The following STXBP6 variants were observed in gnomAD, a reference collection of about 807,000 sequenced individuals.
The protein encoded by STXBP6 is syntaxin-binding protein 6.
In STXBP6, 21 loss-of-function variants were observed where a neutral mutation model predicts 26.9. That is an observed-to-expected ratio of 0.78 (90% confidence interval 0.55 to 1.12). STXBP6 has a LOEUF of 1.12. Ranked by LOEUF, STXBP6 falls within the 50% of genes most tolerant of loss-of-function variation. STXBP6 has a pLI of 0.00. For synonymous variants in STXBP6, 97 were observed against 92.6 expected (o/e 1.05, Z -0.27); for missense variants, 232 against 257.9 (o/e 0.90, Z 0.69).
At chr14:25,047,183 A>G (rs1430700446) in intron 1 of STXBP6, among the ~76,000 whole-genome samples, 1 of 152,200 alleles carries the variant, frequency 6.6e-6, no homozygotes, top group Non-Finnish European at 1.5e-5. Flanking sequence ...AAAAAAGGAA[A>G]TGGGGTAGTT....
At chr14:24,922,482 C>G (rs1367576185) in intron 2 of STXBP6, among the ~76,000 whole-genome samples, 1 of 152,114 alleles carries the variant, frequency 6.6e-6, no homozygotes, top group East Asian at 1.9e-4. Flanking sequence ...CCTCTTGCCA[C>G]AGCCAGGCTA....
At chr14:24,899,019 G>A (rs2071105016) in intron 2 of STXBP6, among the ~76,000 whole-genome samples, 1 of 152,132 alleles carries the variant, frequency 6.6e-6, no homozygotes, top group African/African-American at 2.4e-5. Flanking sequence ...AGAGGTTGGG[G>A]GTGGGGATAA....
At chr14:24,812,874 T>G (rs1300506556) in intron 5 of STXBP6, 142 bp from the exon 6 acceptor site, 1 of 760,880 alleles carries the variant, frequency 1.3e-6, no homozygotes, top group African/African-American at 1.8e-5. Flanking sequence ...CCGTTACTAA[T>G]TACAGTAGCA....
chr14:24,881,436 G>C (rs146918312), intron 2 of STXBP6, among the ~76,000 whole-genome samples: 1 of 152,148 alleles, frequency 6.6e-6, no homozygotes, highest in Non-Finnish European at 1.5e-5. Context: ...CATGAAAAAG[G>C]CATTTAAACT....
rs2067769987 is a variant in STXBP6 at position 24,809,778 on chromosome 14, TGAA to T, written c.*2928_*2930del. On this transcript the variant is annotated 3_prime_UTR_variant, in exon 6 of 6. Coordinates refer to ENST00000323944, the MANE Select transcript of STXBP6 (RefSeq NM_001394410.1). The stretch of plus-strand genomic sequence containing the variant: ...TATATTTGACATCTCAGAGAACTTC[TGAA>T]GAATAACTGTATGACAGACATCAGT... 6.6e-6 allele frequency: 1 copy of T among 152,230 alleles called. No individual in the cohort carries two copies. The highest frequency in any genetic ancestry group is 2.1e-4 in the South Asian group (1 of 4,830). 9.4% of individuals were successfully genotyped at this position (152,230 alleles called of 1,614,324 possible).
At chr14:24,868,438 A>G (rs1200207360) in intron 2 of STXBP6, among the ~76,000 whole-genome samples, 1 of 152,224 alleles carries the variant, frequency 6.6e-6, no homozygotes, top group African/African-American at 2.4e-5. Flanking sequence ...AATACTAAGG[A>G]TACCAAGTGT....
intron 1 of STXBP6, among the ~76,000 whole-genome samples, chr14:25,034,308 C>A (rs984631506): frequency 7.2e-5 from 11 of 152,280 alleles, no homozygotes; most frequent in African/African-American, 2.6e-4. Flanking sequence ...AGGTCATCAT[C>A]CTTACATGAA....
chr14:24,967,094 TCAAGTC>T (rs3081489), intron 2 of STXBP6, among the ~76,000 whole-genome samples: 42,088 of 151,844 alleles, frequency 0.28, 6,770 homozygotes, highest in African/African-American at 0.45. Flanking sequence ...AAACCTGGGT[TCAAGTC>T]CTTGTTTTGT....
chr14:24,883,175 T>C (rs2070437060), intron 2 of STXBP6, among the ~76,000 whole-genome samples: 1 of 152,270 alleles, frequency 6.6e-6, no homozygotes, highest in African/African-American at 2.4e-5. Flanking sequence ...AACACACACA[T>C]AGATATGGTG....
chr14:24,919,211 C>T (rs1334236539), intron 2 of STXBP6, among the ~76,000 whole-genome samples: 1 of 151,970 alleles, frequency 6.6e-6, no homozygotes, highest in Non-Finnish European at 1.5e-5. Context: ...ATTTTCGGGG[C>T]AATTTCTGCC....
chr14:25,023,824 TTC>T (rs1353731702), intron 1 of STXBP6, among the ~76,000 whole-genome samples: 2 of 152,178 alleles, frequency 1.3e-5, no homozygotes, highest in Non-Finnish European at 2.9e-5. Context: ...GTGCTTTTGC[TTC>T]TCTGTTTCTT....
At chr14:24,993,152 T>A (rs2074517005) in intron 1 of STXBP6, among the ~76,000 whole-genome samples, 1 of 152,134 alleles carries the variant, frequency 6.6e-6, no homozygotes, top group African/African-American at 2.4e-5. Flanking sequence ...TGAAAACACA[T>A]CACATCTATA....
intron 2 of STXBP6, among the ~76,000 whole-genome samples, chr14:24,905,762 C>T (rs1374923309): frequency 1.3e-5 from 2 of 152,162 alleles, no homozygotes; most frequent in African/African-American, 2.4e-5. Context: ...TCAGTTCCTA[C>T]CTAAACAAAA....
intron 1 of STXBP6, among the ~76,000 whole-genome samples, chr14:25,005,375 T>C (rs570791957): frequency 1.1e-4 from 17 of 152,354 alleles, no homozygotes; most frequent in South Asian, 6.2e-4. Context: ...CACATCACTA[T>C]GGTTGGTCAT....
At position 24,843,018 on chromosome 14, in the gene STXBP6, C is replaced by T. The variant is rs550632820; in HGVS notation, c.451+12918G>A. 2.7e-3 allele frequency among the ~76,000 whole-genome samples: 417 copies of T among 152,222 alleles called. 1 individual carries two copies. The highest frequency in any genetic ancestry group is 9.7e-3 in the African/African-American group (405 of 41,550). ...AATGACCACTGAAGAAAGAATTTTT[C>T]TATTTTCTCTCTCTAATGGGGCAGG... is the stretch of plus-strand genomic sequence containing the variant. On this transcript the variant is annotated intron_variant, in intron 4 of 5. Transcript: ENST00000323944.
At chr14:24,944,318 G>A (rs1289481247) in intron 2 of STXBP6, among the ~76,000 whole-genome samples, 2 of 152,056 alleles carry the variant, frequency 1.3e-5, no homozygotes, top group African/African-American at 4.8e-5. Flanking sequence ...CTCAGGCAGA[G>A]GTAAATAAAC....
chr14:24,882,165 G>A (rs1256751054), intron 2 of STXBP6, among the ~76,000 whole-genome samples: 2 of 151,320 alleles, frequency 1.3e-5, no homozygotes, highest in African/African-American at 4.9e-5. Flanking sequence ...GGATCACGAG[G>A]TCAGGAGATC....
chr14:25,045,070 C>T (rs745826139), intron 1 of STXBP6, among the ~76,000 whole-genome samples: 35 of 152,118 alleles, frequency 2.3e-4, no homozygotes, highest in Admixed American at 1.9e-3. Context: ...CCTATATTTT[C>T]GGGATATACT....
intron 2 of STXBP6, chr14:24,878,784 A>T (rs2070243636): frequency 6.6e-6 from 3 of 452,992 alleles, no homozygotes; most frequent in South Asian, 4.7e-5. Flanking sequence ...AATTCACTAA[A>T]TGTTTTCTCC....
Sources: allele counts gnomAD v4.1 joint callset (sites outside exome capture counted in the v4.1 genomes callset), GRCh38; gene constraint gnomAD v4.1.1; transcripts MANE v1.5; gene names NCBI Gene and HGNC (gene_info 2026-07-23, HGNC 2026-07-21).